LHFPL3: variants seen among roughly 807,000 people sequenced by gnomAD.
The protein encoded by LHFPL3 is LHFPL tetraspan subfamily member 3.
LHFPL3 carries 5 observed loss-of-function variants against 19.3 expected under a neutral mutation model. The ratio of observed to expected loss-of-function variants is 0.26; its 90% CI spans 0.14 to 0.54. The LOEUF (loss-of-function observed/expected upper bound fraction) is 0.54, where lower values mean the gene tolerates loss of function less well. Ranked by LOEUF, LHFPL3 falls within the 20% of genes least tolerant of loss-of-function variation. The pLI is 0.94. For synonymous variants in LHFPL3, 133 were observed against 126.2 expected (o/e 1.05, Z -0.36); for missense variants, 249 against 307.4 (o/e 0.81, Z 1.42).
intron 1 of LHFPL3, among the ~76,000 whole-genome samples, chr7:104,638,190 T>TTGGC (rs1463217474): frequency 1.3e-5 from 2 of 152,190 alleles, no homozygotes; most frequent in African/African-American, 2.4e-5. Flanking sequence ...GGCTCTCAGC[T>TTGGC]TGGCTGTTGG....
intron 2 of LHFPL3, chr7:104,759,954 T>A (rs1248261643): frequency 1.3e-5 from 2 of 152,274 alleles, no homozygotes; most frequent in African/African-American, 4.8e-5. Flanking sequence ...CTCAGAGCCC[T>A]GGCACTTTCT....
At chr7:104,904,736 A>G (rs539289393) in intron 2 of LHFPL3, among the ~76,000 whole-genome samples, 1 of 152,310 alleles carries the variant, frequency 6.6e-6, no homozygotes, top group African/African-American at 2.4e-5. Flanking sequence ...TTTTGGCCCA[A>G]ATATGGCACA....
chr7:104,624,785 G>T (rs541222327), intron 1 of LHFPL3, among the ~76,000 whole-genome samples: 2 of 152,190 alleles, frequency 1.3e-5, no homozygotes, highest in Non-Finnish European at 2.9e-5. Context: ...ATCTATGAAA[G>T]ATGTGCTTTT....
chr7:104,600,679 C>T (rs1238610765), intron 1 of LHFPL3, among the ~76,000 whole-genome samples: 2 of 152,260 alleles, frequency 1.3e-5, no homozygotes, highest in South Asian at 4.2e-4. Flanking sequence ...TCACTGAGGT[C>T]GTGGCAAAGC....
chr7:104,516,976 G>A (rs528224833), intron 1 of LHFPL3, among the ~76,000 whole-genome samples: 6 of 152,132 alleles, frequency 3.9e-5, no homozygotes, highest in South Asian at 2.1e-4. Flanking sequence ...TAAAAAATGA[G>A]ATCATGTCCT....
intron 2 of LHFPL3, among the ~76,000 whole-genome samples, chr7:104,872,966 C>T (rs147010439): frequency 3.2e-4 from 49 of 152,232 alleles, no homozygotes; most frequent in Admixed American, 3.9e-4. Context: ...TGACTGGCAG[C>T]GCAGTAGATT....
At chr7:104,673,696 A>G (rs1253653259) in intron 1 of LHFPL3, among the ~76,000 whole-genome samples, 1 of 152,222 alleles carries the variant, frequency 6.6e-6, no homozygotes, top group Non-Finnish European at 1.5e-5. Flanking sequence ...TTTGCCTGCT[A>G]GAGACTGTGA....
intron 1 of LHFPL3, among the ~76,000 whole-genome samples, chr7:104,335,684 A>G (rs1789791873): frequency 6.6e-6 from 1 of 152,206 alleles, no homozygotes. Context: ...GTAAGTAAAT[A>G]ATATAATAAA....
intron 1 of LHFPL3, among the ~76,000 whole-genome samples, chr7:104,377,337 T>C (rs1451632360): frequency 6.6e-6 from 1 of 152,200 alleles, no homozygotes; most frequent in Non-Finnish European, 1.5e-5. Context: ...AAAATGTCTT[T>C]TATTTTCCCT....
At chr7:104,760,650 TCAC>T (rs1433318371) in intron 2 of LHFPL3, among the ~76,000 whole-genome samples, 3 of 152,234 alleles carry the variant, frequency 2.0e-5, no homozygotes, top group Non-Finnish European at 2.9e-5. Flanking sequence ...TATTGTGCAT[TCAC>T]CACAATTTAG....
chr7:104,436,706 A>G (rs1164587089), intron 1 of LHFPL3, among the ~76,000 whole-genome samples: 1 of 152,210 alleles, frequency 6.6e-6, no homozygotes, highest in Admixed American at 6.5e-5. Flanking sequence ...GCATTTACTA[A>G]ATCATGATGC....
rs547534407 is a variant in LHFPL3 at position 104,601,627 on chromosome 7, A to T, written c.446-135048A>T. 9.8e-5 allele frequency among the ~76,000 whole-genome samples: 15 copies of T among 152,328 alleles called. No homozygotes were observed. In the East Asian group the frequency reaches 2.5e-3, roughly 25 times the overall value. ...ATGGCCAGAGCAGCCAGCCACACAA[A>T]GAGCTGGAATCAGGTTTTGGACATC... On this transcript the variant is annotated intron_variant, in intron 1 of 2. Transcript: ENST00000424859.
At chr7:104,605,714 A>G (rs1791082916) in intron 1 of LHFPL3, among the ~76,000 whole-genome samples, 1 of 152,202 alleles carries the variant, frequency 6.6e-6, no homozygotes, top group South Asian at 2.1e-4. Context: ...TATTTTTGGT[A>G]TTCAGTTTAC....
chr7:104,896,858 G>T (rs1562829111), intron 2 of LHFPL3, among the ~76,000 whole-genome samples: 1 of 152,170 alleles, frequency 6.6e-6, no homozygotes, highest in African/African-American at 2.4e-5. Flanking sequence ...GGCCAAGGCG[G>T]GTGGATCACT....
At chr7:104,670,601 C>T (rs534322839) in intron 1 of LHFPL3, among the ~76,000 whole-genome samples, 1 of 152,276 alleles carries the variant, frequency 6.6e-6, no homozygotes, top group East Asian at 1.9e-4. Flanking sequence ...AGAATCGCTG[C>T]TTTTCTCAAG....
chr7:104,592,653 C>A (rs1423185779), intron 1 of LHFPL3, among the ~76,000 whole-genome samples: 1 of 152,174 alleles, frequency 6.6e-6, no homozygotes, highest in Non-Finnish European at 1.5e-5. Context: ...ACGTTTAAGT[C>A]TGCAGAAGTT....
chr7:104,766,719 T>G (rs1265735110), intron 2 of LHFPL3, among the ~76,000 whole-genome samples: 1 of 152,204 alleles, frequency 6.6e-6, no homozygotes, highest in Non-Finnish European at 1.5e-5. Context: ...TGGCAGAAGG[T>G]TGACATCAAA....
rs1224971127 is a variant in LHFPL3, at chr7:104,590,261, T to C, written c.446-146414T>C. Among the ~76,000 whole-genome samples the C allele has an allele frequency of 2.6e-5, 4 of 152,316 alleles. No homozygotes were observed. The East Asian group carries it at 7.7e-4, about 29-fold the overall frequency. On this transcript the variant is annotated intron_variant, in intron 1 of 2. Coordinates refer to ENST00000424859, the MANE Select transcript of LHFPL3 (RefSeq NM_199000.3). ...TCTTGTGGACATTTAGTGCTATACG[T>C]TTCCCTCTGCACACTGCTTTAAATG...
At chr7:104,617,402 G>A (rs751529917) in intron 1 of LHFPL3, among the ~76,000 whole-genome samples, 1 of 152,122 alleles carries the variant, frequency 6.6e-6, no homozygotes, top group African/African-American at 2.4e-5. Context: ...ACCCTGTAAA[G>A]ACAACAAAAG....
Sources: allele counts gnomAD v4.1 joint callset (sites outside exome capture counted in the v4.1 genomes callset), GRCh38; gene constraint gnomAD v4.1.1; transcripts MANE v1.5; gene names NCBI Gene and HGNC (gene_info 2026-07-23, HGNC 2026-07-21).